The following CIBAR1 variants were observed in gnomAD, a reference collection of about 807,000 sequenced individuals.
CIBAR1 encodes CBY1 interacting BAR domain containing 1.
A neutral mutation model predicts 44.0 loss-of-function variants in CIBAR1; 25 were observed. That is an observed-to-expected ratio of 0.57 (90% CI 0.41 to 0.79). The LOEUF (loss-of-function observed/expected upper bound fraction) is 0.79. CIBAR1 is among the 30% of genes least tolerant of loss of function. The pLI is 0.00. For missense variants in CIBAR1, 278 were observed against 344.8 expected, an observed-to-expected ratio of 0.81 and a Z score of 1.53; for synonymous variants, 115 against 119.0, an observed-to-expected ratio of 0.97 and a Z score of 0.22.
At chr8:93,721,823 GAAAA>G (rs11289085) in intron 7 of CIBAR1, among the ~76,000 whole-genome samples, 1 of 149,696 alleles carries the variant, frequency 6.7e-6, no homozygotes. Flanking sequence ...GTCCTATAAA[GAAAA>G]AAAAAAAGTG....
Position 93,728,575 on chromosome 8 carries a change from C to T in CIBAR1, c.*278C>T, listed in dbSNP as rs1209439204. ...AGTATTTCATATTAATGTACTATAT[C>T]TACTTGAAGTTCCAATAGTACATTA... On this transcript the variant is annotated 3_prime_UTR_variant, in exon 9 of 9. Transcript: ENST00000518322. 4.4e-6 allele frequency: 1 copy of T among 229,764 alleles called. No homozygotes were observed. Among genetic ancestry groups the T allele is most frequent in the African/African-American group, 2.3e-5 (1 of 43,554 alleles). The allele number at this position is 229,764 out of a possible 1,614,324, so 14.2% of individuals were successfully genotyped here.
intron 6 of CIBAR1, among the ~76,000 whole-genome samples, chr8:93,711,970 C>T (rs1810840634): frequency 6.6e-6 from 1 of 152,104 alleles, no homozygotes; most frequent in South Asian, 2.1e-4. Flanking sequence ...GTGGAGGGTG[C>T]ACAGAGAAGA....
intron 2 of CIBAR1, 69 bp from the exon 3 acceptor site, chr8:93,703,551 T>G (rs931909455): frequency 9.2e-6 from 8 of 872,024 alleles, no homozygotes; most frequent in Non-Finnish European, 1.4e-5. Flanking sequence ...CAATTTCTAG[T>G]GATTAGCCTT....
intron 6 of CIBAR1, among the ~76,000 whole-genome samples, chr8:93,713,448 C>G (rs1810912524): frequency 6.6e-6 from 1 of 152,136 alleles, no homozygotes; most frequent in African/African-American, 2.4e-5. Context: ...CTGTGGGTTG[C>G]CTTGTCACTT....
intron 4 of CIBAR1, chr8:93,705,390 G>C: frequency 4.8e-6 from 1 of 207,184 alleles, no homozygotes; most frequent in Non-Finnish European, 9.5e-6. Context: ...GAAAAGGAAA[G>C]AAAATTTTCC....
intron 1 of CIBAR1, 194 bp downstream of exon 1, chr8:93,700,867 C>G: frequency 7.6e-7 from 1 of 1,308,926 alleles, no homozygotes; most frequent in Non-Finnish European, 9.7e-7. Context: ...GCCCGGGGCC[C>G]GGCCGGCTGC....
At chr8:93,717,757 G>A (rs559849806) in intron 6 of CIBAR1, among the ~76,000 whole-genome samples, 2 of 152,102 alleles carry the variant, frequency 1.3e-5, no homozygotes, top group Non-Finnish European at 2.9e-5. Flanking sequence ...TTTCTGCCTT[G>A]TTCTTATTCA....
At chr8:93,727,051 A>C in intron 8 of CIBAR1, 1 of 529,046 alleles carries the variant, frequency 1.9e-6, no homozygotes. Flanking sequence ...TTTCTACCCC[A>C]ACAACTATAA....
intron 7 of CIBAR1, 49 bp downstream of exon 7, chr8:93,718,837 T>C (rs1404639782): frequency 1.7e-6 from 2 of 1,143,660 alleles, no homozygotes; most frequent in African/African-American, 1.6e-5. Flanking sequence ...TGTGGAAATA[T>C]TTAAAAGAGA....
At chr8:93,705,268 A>G in intron 4 of CIBAR1, 1 of 414,962 alleles carries the variant, frequency 2.4e-6, no homozygotes, top group Non-Finnish European at 4.2e-6. Flanking sequence ...TATAAACAGT[A>G]AATTCAAATT....
intron 3 of CIBAR1, 33 bp downstream of exon 3, chr8:93,703,721 G>C (rs1451888068): frequency 1.3e-6 from 2 of 1,510,106 alleles, no homozygotes; most frequent in Non-Finnish European, 1.8e-6. Flanking sequence ...TTAACTGTGA[G>C]TTACTCTGGC....
intron 7 of CIBAR1, among the ~76,000 whole-genome samples, chr8:93,723,142 A>G (rs763288549): frequency 5.3e-5 from 8 of 152,062 alleles, no homozygotes; most frequent in South Asian, 2.1e-4. Context: ...GACTACAGGC[A>G]CCCGCCACCT....
intron 8 of CIBAR1, chr8:93,726,798 G>A: frequency 5.3e-6 from 2 of 375,002 alleles, no homozygotes; most frequent in South Asian, 2.3e-5. Flanking sequence ...GCTATAATAT[G>A]AAGAGCAGAT....
chr8:93,707,936 A>C (rs969591338), intron 4 of CIBAR1, 75 bp from the exon 5 acceptor site: 1 of 926,384 alleles, frequency 1.1e-6, no homozygotes, highest in Non-Finnish European at 1.6e-6. Context: ...ATATAATTCT[A>C]TGAGTATATA....
At position 93,701,229 on chromosome 8, in the gene CIBAR1, C is replaced by T; in HGVS notation, c.32C>T (p.Ala11Val). Residue 11 changes from alanine to valine, a missense_variant, in exon 2 of 9, where the codon GCT becomes GTT. Ala to Val is a moderately conservative substitution (Grantham distance 64, BLOSUM62 0). Coordinates refer to ENST00000518322, the MANE Select transcript of CIBAR1 (RefSeq NM_145269.5). MMRRTLENRN[A>V]QTKQLQTAVS... ...TTGTGTCACCTTTTCCCTAGGAACG[C>T]TCAAACGAAACAACTGCAAACAGCT... is the stretch of plus-strand genomic sequence containing the variant. 1.9e-6 allele frequency: 3 copies of T among 1,612,610 alleles called. No individual in the cohort carries two copies. Among genetic ancestry groups the T allele is most frequent in the Non-Finnish European group, 2.5e-6 (3 of 1,179,304 alleles).
intron 2 of CIBAR1, 49 bp downstream of exon 2, chr8:93,701,507 G>T: frequency 1.3e-6 from 2 of 1,502,884 alleles, no homozygotes; most frequent in Non-Finnish European, 1.8e-6. Context: ...CCATGAAGTA[G>T]TGGATGAAGG....
chr8:93,729,056 C>T lies in CIBAR1; in HGVS notation c.*759C>T, dbSNP rs996353760. ...ACCATATAGTTAATAAAAGGGTATACAGTCACTTTTATTTCTGAAAATATA... is the reference window on the plus strand; with the variant it reads ...ACCATATAGTTAATAAAAGGGTATATAGTCACTTTTATTTCTGAAAATATA... On this transcript the variant is annotated 3_prime_UTR_variant, in exon 9 of 9. Coordinates refer to ENST00000518322, the MANE Select transcript of CIBAR1 (RefSeq NM_145269.5). 1.3e-5 allele frequency: 2 copies of T among 152,078 alleles called. No homozygotes were observed. Among genetic ancestry groups the T allele is most frequent in the African/African-American group, 4.8e-5 (2 of 41,448 alleles). 9.4% of individuals were successfully genotyped at this position (152,078 alleles called of 1,614,324 possible). A position where few individuals can be genotyped will look rare whatever the true frequency, so the allele number is the denominator to read the frequency against.
At chr8:93,717,479 T>C (rs1811077645) in intron 6 of CIBAR1, among the ~76,000 whole-genome samples, 1 of 152,198 alleles carries the variant, frequency 6.6e-6, no homozygotes, top group African/African-American at 2.4e-5. Flanking sequence ...GAATCATCGT[T>C]ACAAGTCTTT....
intron 7 of CIBAR1, among the ~76,000 whole-genome samples, chr8:93,722,828 A>G (rs1028236664): frequency 6.6e-6 from 1 of 152,162 alleles, no homozygotes; most frequent in African/African-American, 2.4e-5. Flanking sequence ...AATTGGAGTA[A>G]AATGTTAATT....
Sources: gnomAD v4.1 joint callset for allele counts (sites outside exome capture counted in the v4.1 genomes callset) on GRCh38, gnomAD v4.1.1 for gene constraint, MANE v1.5 for transcripts, NCBI Gene and HGNC (gene_info 2026-07-23, HGNC 2026-07-21) for gene names.